MAN2A1: variants seen among roughly 807,000 people sequenced by gnomAD.
MAN2A1 encodes the protein alpha-mannosidase 2.
MAN2A1 carries 76 observed loss-of-function variants against 142.6 expected under a neutral mutation model. That is an observed-to-expected ratio of 0.53 (90% CI 0.44 to 0.65). The LOEUF is 0.65. Ranked by LOEUF, MAN2A1 falls within the 30% of genes least tolerant of loss-of-function variation. The pLI, the probability that MAN2A1 is intolerant of heterozygous loss-of-function variation, is 0.00. For missense variants in MAN2A1, 1,311 were observed against 1,365.1 expected (o/e 0.96, Z 0.62); for synonymous variants, 559 against 473.2 (o/e 1.18, Z -2.35).
chr5:109,699,546 A>G (rs2112542347), intron 1 of MAN2A1: 1 of 152,298 alleles, frequency 6.6e-6, no homozygotes, highest in African/African-American at 2.4e-5. Flanking sequence ...TCTACAATGT[A>G]TGCATTTTTC....
At chr5:109,735,711 A>C (rs563508206) in intron 4 of MAN2A1, among the ~76,000 whole-genome samples, 34 of 152,170 alleles carry the variant, frequency 2.2e-4, no homozygotes, top group Non-Finnish European at 4.7e-4. Context: ...TATATTAAAA[A>C]GTTCTTTCAA....
chr5:109,726,319 G>A (rs577693939), intron 3 of MAN2A1, among the ~76,000 whole-genome samples: 1 of 152,096 alleles, frequency 6.6e-6, no homozygotes, highest in African/African-American at 2.4e-5. Flanking sequence ...TTTAGAAAAC[G>A]AAAGAACCAA....
chr5:109,834,756 T>C (rs1358159814), intron 16 of MAN2A1, among the ~76,000 whole-genome samples: 2 of 152,196 alleles, frequency 1.3e-5, no homozygotes, highest in Non-Finnish European at 2.9e-5. Flanking sequence ...GAATGAAATT[T>C]ACTAAAATTT....
chr5:109,796,626 C>T (rs1242288632), intron 12 of MAN2A1, among the ~76,000 whole-genome samples: 1 of 152,128 alleles, frequency 6.6e-6, no homozygotes, highest in Non-Finnish European at 1.5e-5. Context: ...AAAGTCCGCT[C>T]AAGGAAATTG....
chr5:109,736,153 A>G (rs1436055555), intron 4 of MAN2A1, among the ~76,000 whole-genome samples: 1 of 152,162 alleles, frequency 6.6e-6, no homozygotes, highest in Non-Finnish European at 1.5e-5. Flanking sequence ...TTAGATTAAT[A>G]TACCAGGATA....
rs1580312620 is a variant in MAN2A1, at chr5:109,846,156, G to C, written c.2842+150G>C. On this transcript the variant is annotated intron_variant, in intron 18 of 21. Coordinates refer to ENST00000261483, the MANE Select transcript of MAN2A1 (RefSeq NM_002372.4). ...TTTCAACAACCAGACTATTAGTTAAGTTTGGGTTTTGTGAGAACAACATAA... is the reference window on the plus strand; with the variant it reads ...TTTCAACAACCAGACTATTAGTTAACTTTGGGTTTTGTGAGAACAACATAA... 8 of 653,978 alleles carry C rather than the reference G, an allele frequency of 1.2e-5. No homozygotes were observed. The East Asian group carries it at 2.5e-4, about 20-fold the overall frequency. 40.5% of individuals were successfully genotyped at this position (653,978 alleles called of 1,614,324 possible).
At chr5:109,731,722 T>A (rs955865764) in intron 4 of MAN2A1, among the ~76,000 whole-genome samples, 9 of 152,136 alleles carry the variant, frequency 5.9e-5, no homozygotes, top group Admixed American at 5.9e-4. Context: ...TAGTATTCCA[T>A]GGTGTACATG....
intron 3 of MAN2A1, among the ~76,000 whole-genome samples, chr5:109,727,139 C>T (rs539209953): frequency 9.9e-5 from 15 of 152,186 alleles, no homozygotes; most frequent in Non-Finnish European, 1.5e-4. Context: ...ATGGTAATGA[C>T]GCTGATTTGT....
At chr5:109,773,714 T>TA (rs1460671432) in intron 7 of MAN2A1, among the ~76,000 whole-genome samples, 1 of 152,194 alleles carries the variant, frequency 6.6e-6, no homozygotes, top group East Asian at 1.9e-4. Context: ...ATTACAAATG[T>TA]AAAAAGGACC....
intron 12 of MAN2A1, among the ~76,000 whole-genome samples, chr5:109,793,100 G>A (rs1173407728): frequency 6.6e-6 from 1 of 152,084 alleles, no homozygotes; most frequent in Non-Finnish European, 1.5e-5. Context: ...AATGATGGTA[G>A]TCATCTTCGG....
chr5:109,831,805 ATGTGTGTGTG>A (rs55738132), intron 16 of MAN2A1, among the ~76,000 whole-genome samples: 2 of 144,770 alleles, frequency 1.4e-5, no homozygotes, highest in Non-Finnish European at 3.1e-5. Flanking sequence ...AACAAAAATC[ATGTGTGTGTG>A]TGTGTGTGTG....
intron 1 of MAN2A1, among the ~76,000 whole-genome samples, chr5:109,709,091 C>G (rs1018309333): frequency 4.6e-5 from 7 of 152,198 alleles, no homozygotes; most frequent in African/African-American, 1.7e-4. Flanking sequence ...GTTTGACCAG[C>G]TATCTGGATA....
chr5:109,713,823 CTTTTT>C, intron 2 of MAN2A1, 49 bp downstream of exon 2: 5 of 1,444,076 alleles, frequency 3.5e-6, no homozygotes, highest in Non-Finnish European at 4.7e-6. Context: ...TTTTTTTGTT[CTTTTT>C]AAGATTTGAC....
chr5:109,786,221 A>G (rs952303794), intron 10 of MAN2A1, among the ~76,000 whole-genome samples: 4 of 152,050 alleles, frequency 2.6e-5, no homozygotes, highest in African/African-American at 9.7e-5. Context: ...CACAGAAACC[A>G]TTTTTGAAAG....
At chr5:109,784,018 A>G (rs1157202157) in intron 9 of MAN2A1, among the ~76,000 whole-genome samples, 1 of 151,860 alleles carries the variant, frequency 6.6e-6, no homozygotes, top group Non-Finnish European at 1.5e-5. Context: ...GGTGCATGTC[A>G]CTACACCTGG....
At chr5:109,860,757 A>T (rs1157239941) in intron 20 of MAN2A1, among the ~76,000 whole-genome samples, 1 of 152,170 alleles carries the variant, frequency 6.6e-6, no homozygotes, top group African/African-American at 2.4e-5. Context: ...CTCAAATCCT[A>T]TTTGAAGTGG....
intron 4 of MAN2A1, among the ~76,000 whole-genome samples, chr5:109,731,393 G>A (rs1751905069): frequency 1.3e-5 from 2 of 149,760 alleles, no homozygotes; most frequent in African/African-American, 4.9e-5. Flanking sequence ...TAAGTTTTAG[G>A]GTACATGTGC....
Position 109,729,499 on chromosome 5 carries a change from G to A in MAN2A1, c.693G>A (p.Lys231=), listed in dbSNP as rs1582831268. 6.5e-7 allele frequency: 1 copy of A among 1,528,616 alleles called. No individual in the cohort carries two copies. Among genetic ancestry groups the A allele is most frequent in the East Asian group, 2.4e-5 (1 of 42,112 alleles). The allele number at this position is 1,528,616 out of a possible 1,614,324, so 94.7% of individuals were successfully genotyped here. The change falls in exon 4 of 22, where the codon AAG becomes AAA. Residue 231 remains lysine, a synonymous_variant. Coordinates refer to ENST00000261483, the MANE Select transcript of MAN2A1 (RefSeq NM_002372.4). ...GGGATATTATAGATATTCAGAAGAA[G>A]GATGCTGTTAAAAGGTTTGTTTTAA... ...KWWDIIDIQK[K]DAVKSLIENG... is the part of the protein sequence containing the mutation.
At chr5:109,734,793 A>C (rs1345479321) in intron 4 of MAN2A1, among the ~76,000 whole-genome samples, 1 of 152,230 alleles carries the variant, frequency 6.6e-6, no homozygotes, top group Non-Finnish European at 1.5e-5. Flanking sequence ...ACTTCCAACT[A>C]TGTGGTCAAT....
Sources: gnomAD v4.1 joint callset for allele counts (sites outside exome capture counted in the v4.1 genomes callset) on GRCh38, gnomAD v4.1.1 for gene constraint, MANE v1.5 for transcripts, NCBI Gene and HGNC (gene_info 2026-07-23, HGNC 2026-07-21) for gene names.